The following DNAH11 variants were observed in gnomAD, a reference collection of about 807,000 sequenced individuals.
DNAH11 encodes the protein axonemal beta dynein heavy chain 11.
DNAH11 carries 442 observed loss-of-function variants against 526.0 expected under a neutral mutation model. That is an observed-to-expected ratio of 0.84 (90% CI 0.78 to 0.91). The LOEUF (loss-of-function observed/expected upper bound fraction) is 0.91, where lower values mean the gene tolerates loss of function less well. Among genes scored for constraint, DNAH11 ranks in the 40% least tolerant of loss-of-function variants. The pLI is 0.00. For synonymous variants in DNAH11, 2,461 were observed against 1,935.9 expected, an observed-to-expected ratio of 1.27 and a Z score of -7.12; for missense variants, 6,989 against 5,448.7, an observed-to-expected ratio of 1.28 and a Z score of -8.90.
In DNAH11 at chr7:21,551,796, T is replaced by C. The variant is rs577838823; in HGVS notation, c.495+6647T>C. ...ATCTAAGCAGTTCTGGTCTGATGTC[T>C]CTCTTTTTCTCCTCTCCTTTCCATA... On this transcript the variant is annotated intron_variant, in intron 2 of 81. Transcript: ENST00000409508. Among the ~76,000 whole-genome samples the C allele has an allele frequency of 3.3e-5, 5 of 152,314 alleles. No individual in the cohort carries two copies. The South Asian group carries it at 8.3e-4, about 25-fold the overall frequency.
intron 61 of DNAH11, among the ~76,000 whole-genome samples, chr7:21,799,859 A>G (rs1243872855): frequency 6.6e-6 from 1 of 152,182 alleles, no homozygotes; most frequent in African/African-American, 2.4e-5. Flanking sequence ...TTTTCTTGTT[A>G]AAGTTTCTTG....
intron 68 of DNAH11, among the ~76,000 whole-genome samples, chr7:21,855,939 G>T (rs944259607): frequency 2.0e-5 from 3 of 152,100 alleles, no homozygotes; most frequent in Non-Finnish European, 2.9e-5. Flanking sequence ...CTTTTACTGG[G>T]GGCTCAGGGA....
chr7:21,576,178 G>A (rs1583495322), intron 8 of DNAH11, among the ~76,000 whole-genome samples: 2 of 152,128 alleles, frequency 1.3e-5, no homozygotes, highest in East Asian at 3.9e-4. Flanking sequence ...ATTATCCCTT[G>A]AGGAGACCAA....
chr7:21,837,233 T>C lies in DNAH11; in HGVS notation c.10692-5311T>C, dbSNP rs187489980. Among the ~76,000 whole-genome samples, 547 of 152,254 alleles carry C rather than the reference T, an allele frequency of 3.6e-3. 5 individuals are homozygous for C. Among genetic ancestry groups the C allele is most frequent in the Non-Finnish European group, 6.7e-3 (455 of 67,962 alleles). ...ACCGTATGATCCAGCAGTTCTACTATGATGTATCAAAAGGAAATGAAATCA... is the reference window on the plus strand; with the variant it reads ...ACCGTATGATCCAGCAGTTCTACTACGATGTATCAAAAGGAAATGAAATCA... On this transcript the variant is annotated intron_variant, in intron 65 of 81. Coordinates refer to ENST00000409508, the MANE Select transcript of DNAH11 (RefSeq NM_001277115.2).
At chr7:21,584,059 C>T (rs971778234) in intron 9 of DNAH11, among the ~76,000 whole-genome samples, 3 of 152,170 alleles carry the variant, frequency 2.0e-5, no homozygotes, top group African/African-American at 7.2e-5. Context: ...ACCATTTGAC[C>T]TGGCAATACC....
intron 74 of DNAH11, among the ~76,000 whole-genome samples, chr7:21,876,434 C>G (rs1783715173): frequency 6.6e-6 from 1 of 152,178 alleles, no homozygotes; most frequent in African/African-American, 2.4e-5. Context: ...TTATATAATT[C>G]AAGGGATTTA....
Position 21,615,441 on chromosome 7 carries a change from ATTC to A in DNAH11, c.4011+175_4011+177del, listed in dbSNP as rs763541885. Among the ~76,000 whole-genome samples, 15 of 152,246 alleles carry A rather than the reference ATTC, an allele frequency of 9.9e-5. No homozygotes were observed. The East Asian group carries it at 1.4e-3, about 14-fold the overall frequency. On this transcript the variant is annotated intron_variant, in intron 21 of 81. Coordinates refer to ENST00000409508, the MANE Select transcript of DNAH11 (RefSeq NM_001277115.2). ...GTTCATGTATCTCTGTTAGTGGATG[ATTC>A]TTCTTTGAATACCAGTTGTTTTTAT...
chr7:21,723,275 C>G (rs1356241877), intron 44 of DNAH11, among the ~76,000 whole-genome samples: 1 of 152,182 alleles, frequency 6.6e-6, no homozygotes, highest in Non-Finnish European at 1.5e-5. Flanking sequence ...TGGATTGGTA[C>G]AACTCTTCTT....
chr7:21,750,510 C>G, intron 54 of DNAH11, 146 bp downstream of exon 54: 1 of 1,098,056 alleles, frequency 9.1e-7, no homozygotes, highest in South Asian at 1.5e-5. Context: ...GTATCTGGAG[C>G]GTACCTTCCT....
At chr7:21,828,519 T>G (rs1254023329) in intron 65 of DNAH11, among the ~76,000 whole-genome samples, 1 of 152,176 alleles carries the variant, frequency 6.6e-6, no homozygotes, top group Admixed American at 6.5e-5. Flanking sequence ...TCAGTCATCT[T>G]GGTAATAGTT....
At chr7:21,821,099 G>A (rs184339146) in intron 65 of DNAH11, among the ~76,000 whole-genome samples, 1 of 152,156 alleles carries the variant, frequency 6.6e-6, no homozygotes, top group Admixed American at 6.6e-5. Context: ...GGATATTATG[G>A]TGGGGAAAAA....
At position 21,801,119 on chromosome 7, in the gene DNAH11, A is replaced by G. The variant is rs367600609; in HGVS notation, c.10027-18A>G. 41 of 1,592,596 alleles carry G rather than the reference A, an allele frequency of 2.6e-5. No homozygotes were observed. Among genetic ancestry groups the G allele is most frequent in the Non-Finnish European group, 2.6e-5 (30 of 1,168,460 alleles). On this transcript the variant is annotated intron_variant, in intron 61 of 81. Coordinates refer to ENST00000409508, the MANE Select transcript of DNAH11 (RefSeq NM_001277115.2). ...TTTAACTAAAAATGACTCAAAAGTT[A>G]ATTCAACTCTGATTCAGGATCTGGA...
intron 68 of DNAH11, among the ~76,000 whole-genome samples, chr7:21,855,695 A>G (rs931484480): frequency 2.0e-5 from 3 of 152,222 alleles, no homozygotes; most frequent in Non-Finnish European, 4.4e-5. Flanking sequence ...GTGCTCATTC[A>G]TTCTGTTCAT....
chr7:21,729,892 A>T (rs1785300297), intron 45 of DNAH11, among the ~76,000 whole-genome samples: 1 of 152,178 alleles, frequency 6.6e-6, no homozygotes. Context: ...ATAGCAGCCC[A>T]CTTCTTAGAA....
At chr7:21,737,640 T>C (rs1785673908) in intron 46 of DNAH11, among the ~76,000 whole-genome samples, 1 of 152,112 alleles carries the variant, frequency 6.6e-6, no homozygotes, top group South Asian at 2.1e-4. Context: ...GTTGGGAACA[T>C]ATGGAAATGA....
chr7:21,755,421 G>A (rs1786585853), intron 54 of DNAH11, among the ~76,000 whole-genome samples: 1 of 151,906 alleles, frequency 6.6e-6, no homozygotes, highest in Admixed American at 6.6e-5. Context: ...GCCATATGAT[G>A]CTGTAGGGCA....
Position 21,892,520 on chromosome 7 carries a change from A to G in DNAH11, c.12603A>G (p.Pro4201=). ...AGTACATAGAGGAGATGCTTCCTCC[A>G]GAAAGCCCGGCACTGTATGGCCTCC... ...YHQYIEEMLP[P]ESPALYGLHP... is the part of the protein sequence containing the mutation. Residue 4201 remains proline, a synonymous_variant, in exon 77 of 82, where the codon CCA becomes CCG. Coordinates refer to ENST00000409508, the MANE Select transcript of DNAH11 (RefSeq NM_001277115.2). The G allele has an allele frequency of 6.2e-7, 1 of 1,614,016 alleles. No individual in the cohort carries two copies. Among genetic ancestry groups the G allele is most frequent in the Non-Finnish European group, 8.5e-7 (1 of 1,179,886 alleles).
intron 61 of DNAH11, among the ~76,000 whole-genome samples, chr7:21,789,821 T>TTTCTTCTTTCTTTC (rs1788383642): frequency 1.1e-5 from 1 of 92,066 alleles, no homozygotes; most frequent in African/African-American, 3.9e-5. Context: ...TCTTTCTTTC[T>TTTCTTCTTTCTTTC]TTCTTTCTTT....
chr7:21,697,479 C>A (rs190021957), intron 35 of DNAH11, among the ~76,000 whole-genome samples: 14 of 152,194 alleles, frequency 9.2e-5, no homozygotes, highest in Admixed American at 8.5e-4. Flanking sequence ...ACTTTTGATT[C>A]AATAAGTTGG....
Sources: allele counts gnomAD v4.1 joint callset (sites outside exome capture counted in the v4.1 genomes callset), GRCh38; gene constraint gnomAD v4.1.1; transcripts MANE v1.5; gene names NCBI Gene and HGNC (gene_info 2026-07-23, HGNC 2026-07-21).